Variants in CNBD1 observed in about 807,000 individuals in gnomAD.
CNBD1 encodes the protein cyclic nucleotide-binding domain-containing protein 1.
In CNBD1, 71 loss-of-function variants were observed where a neutral mutation model predicts 54.4. The observed-to-expected ratio is 1.30, with a 90% confidence interval of 1.08 to 1.59. The LOEUF is 1.59. Ranked by LOEUF, CNBD1 falls within the 40% of genes most tolerant of loss-of-function variation. The pLI, the probability that CNBD1 is intolerant of heterozygous loss-of-function variation, is 0.00. For synonymous variants in CNBD1, 182 were observed against 170.7 expected (o/e 1.07, Z -0.51); for missense variants, 659 against 518.0 (o/e 1.27, Z -2.64).
chr8:87,180,555 C>T (rs773021302), intron 4 of CNBD1, among the ~76,000 whole-genome samples: 5 of 151,924 alleles, frequency 3.3e-5, no homozygotes, highest in East Asian at 3.9e-4. Flanking sequence ...AAAGTAACTC[C>T]GGAGGTGGTG....
chr8:87,150,566 G>A (rs1054861360), intron 4 of CNBD1, among the ~76,000 whole-genome samples: 1 of 152,150 alleles, frequency 6.6e-6, no homozygotes, highest in African/African-American at 2.4e-5. Flanking sequence ...AATGAAACAG[G>A]CAAGGAACGT....
chr8:87,371,013 G>T (rs927335598), intron 10 of CNBD1, among the ~76,000 whole-genome samples: 7 of 150,410 alleles, frequency 4.7e-5, no homozygotes, highest in East Asian at 2.0e-4. Context: ...GTTTTTCTCA[G>T]GTTTGTCAAA....
intron 2 of CNBD1, among the ~76,000 whole-genome samples, chr8:87,405,107 GA>G (rs1478958808): frequency 6.6e-6 from 1 of 151,920 alleles, no homozygotes; most frequent in Non-Finnish European, 1.5e-5. Flanking sequence ...TGATTCTGTC[GA>G]AAGTTGTACT....
intron 4 of CNBD1, among the ~76,000 whole-genome samples, chr8:87,013,771 T>A (rs1586198266): frequency 6.6e-6 from 1 of 151,894 alleles, no homozygotes; most frequent in South Asian, 2.1e-4. Flanking sequence ...CTTTATAAAT[T>A]CTATAATGTT....
At chr8:87,206,352 T>G (rs1267379957) in intron 5 of CNBD1, among the ~76,000 whole-genome samples, 5 of 152,164 alleles carry the variant, frequency 3.3e-5, no homozygotes, top group Non-Finnish European at 7.4e-5. Context: ...ATACTTGTGT[T>G]TCTCTGCCTG....
intron 4 of CNBD1, among the ~76,000 whole-genome samples, chr8:87,072,211 T>A (rs1430042716): frequency 6.6e-6 from 1 of 152,164 alleles, no homozygotes; most frequent in Non-Finnish European, 1.5e-5. Context: ...TCTTTGCGTG[T>A]AAGATGTGTC....
At position 87,279,830 on chromosome 8, in the gene CNBD1, A is replaced by C. The variant is rs962630088; in HGVS notation, c.772-4848A>C. Reference sequence around the variant, plus strand: ...CTCAGAAAGGCAAGGATTGAAAAATAATATATTTATATATGTATGAGGGAC... The same window carrying C: ...CTCAGAAAGGCAAGGATTGAAAAATCATATATTTATATATGTATGAGGGAC... On this transcript the variant is annotated intron_variant, in intron 6 of 10. Transcript: ENST00000518476. Among the ~76,000 whole-genome samples the C allele has an allele frequency of 4.6e-5, 7 of 151,294 alleles. No individual in the cohort carries two copies. The Admixed American group carries it at 4.6e-4, about 10-fold the overall frequency.
At chr8:86,958,469 C>G (rs113889414) in intron 4 of CNBD1, among the ~76,000 whole-genome samples, 26 of 152,280 alleles carry the variant, frequency 1.7e-4, no homozygotes, top group African/African-American at 5.3e-4. Context: ...GTCTAAGTCT[C>G]TTTGTTGGTC....
At chr8:87,281,974 A>C (rs1210337972) in intron 6 of CNBD1, among the ~76,000 whole-genome samples, 1 of 148,570 alleles carries the variant, frequency 6.7e-6, no homozygotes, top group African/African-American at 2.5e-5. Context: ...TCTTCTAAAA[A>C]TATTTTTGGT....
chr8:87,054,750 C>A (rs550670317), intron 4 of CNBD1, among the ~76,000 whole-genome samples: 1 of 152,336 alleles, frequency 6.6e-6, no homozygotes, highest in African/African-American at 2.4e-5. Flanking sequence ...TGGCCAAAAA[C>A]CTTTGGTTGC....
chr8:86,908,798 T>TGAGACGGAG (rs1329679524), intron 3 of CNBD1, among the ~76,000 whole-genome samples: 8 of 117,332 alleles, frequency 6.8e-5, no homozygotes, highest in Admixed American at 9.5e-5. Flanking sequence ...TTTTTTTTTT[T>TGAGACGGAG]TTTGTGCTGA....
chr8:87,356,096 T>A (rs1172733179), intron 10 of CNBD1, among the ~76,000 whole-genome samples: 1 of 124,910 alleles, frequency 8.0e-6, no homozygotes, highest in Non-Finnish European at 1.8e-5. Context: ...GTTGTTGCCA[T>A]GCTTGTTAGA....
downstream of CNBD1, among the ~76,000 whole-genome samples, chr8:87,387,168 C>A (rs1811206582): frequency 6.6e-6 from 1 of 152,132 alleles, no homozygotes; most frequent in South Asian, 2.1e-4. Flanking sequence ...ATTGTAAAGA[C>A]TATCGAGGTT....
chr8:87,008,487 T>G lies in CNBD1; in HGVS notation c.431+68733T>G, dbSNP rs774557587. Among the ~76,000 whole-genome samples the G allele has an allele frequency of 1.4e-4, 22 of 152,218 alleles. 1 individual carries two copies. Among genetic ancestry groups the G allele is most frequent in the Admixed American group, 2.0e-4 (3 of 15,286 alleles). On this transcript the variant is annotated intron_variant, in intron 4 of 10. Transcript: ENST00000518476. ...TTAGAAGTCCTTTCTGCAGAATTTA[T>G]CCAGTAAAAGTTAGTTTTTGGATAG...
chr8:87,045,098 C>A lies in CNBD1; in HGVS notation c.431+105344C>A, dbSNP rs190884464. On this transcript the variant is annotated intron_variant, in intron 4 of 10. Transcript: ENST00000518476. ...GAGAGGGGTGTTGTGTCGAGAACAC[C>A]AGCTAGGGTTTCTTCTGGGCCTGGT... is the stretch of plus-strand genomic sequence containing the variant. Among the ~76,000 whole-genome samples the A allele has an allele frequency of 1.9e-3, 295 of 152,216 alleles. 1 individual carries two copies. Among genetic ancestry groups the A allele is most frequent in the African/African-American group, 6.5e-3 (272 of 41,534 alleles).
At position 87,182,366 on chromosome 8, in the gene CNBD1, T is replaced by G. The variant is rs1813372163; in HGVS notation, c.432-23627T>G. ...GCACTGTGATAGACATATGTGTGCA[T>G]GTCTTTATGGTAGAATTATTTATAT... On this transcript the variant is annotated intron_variant, in intron 4 of 10. Transcript: ENST00000518476. The surrounding 1 kb of genome is among the most constrained non-coding windows in gnomAD (Gnocchi z 4.1). 6.6e-6 allele frequency among the ~76,000 whole-genome samples: 1 copy of G among 152,178 alleles called. No individual in the cohort carries two copies. The highest frequency in any genetic ancestry group is 1.5e-5 in the Non-Finnish European group (1 of 68,006).
downstream of CNBD1, among the ~76,000 whole-genome samples, chr8:87,384,252 T>A (rs1209480339): frequency 6.6e-6 from 1 of 152,162 alleles, no homozygotes; most frequent in African/African-American, 2.4e-5. Flanking sequence ...ATATGCTTCA[T>A]CTTTCAACAG....
chr8:87,387,620 C>A (rs1295599024), downstream of CNBD1, among the ~76,000 whole-genome samples: 1 of 152,112 alleles, frequency 6.6e-6, no homozygotes, highest in Non-Finnish European at 1.5e-5. Context: ...TCCTTAGAGA[C>A]CAACAAAGAC....
chr8:86,965,045 C>T (rs1340518438), intron 4 of CNBD1, among the ~76,000 whole-genome samples: 2 of 152,136 alleles, frequency 1.3e-5, no homozygotes, highest in Non-Finnish European at 2.9e-5. Flanking sequence ...AACATTTTTA[C>T]CACAAGTTTA....
Sources: allele counts gnomAD v4.1 joint callset (sites outside exome capture counted in the v4.1 genomes callset), GRCh38; gene constraint gnomAD v4.1.1; non-coding constraint Gnocchi (gnomAD v3.1); transcripts MANE v1.5; gene names NCBI Gene and HGNC (gene_info 2026-07-23, HGNC 2026-07-21).